The following MITF variants were observed in gnomAD, a reference collection of about 807,000 sequenced individuals.
The protein encoded by MITF is microphthalmia-associated transcription factor.
MITF carries 17 observed loss-of-function variants against 60.5 expected under a neutral mutation model. That is an observed-to-expected ratio of 0.28 (90% CI 0.19 to 0.42). The LOEUF (loss-of-function observed/expected upper bound fraction) is 0.42. MITF is among the 10% of genes least tolerant of loss of function. MITF has a pLI of 1.00. For synonymous variants in MITF, 260 were observed against 248.5 expected, an observed-to-expected ratio of 1.05 and a Z score of -0.43; for missense variants, 622 against 683.5, an observed-to-expected ratio of 0.91 and a Z score of 1.00.
At chr3:69,901,198 A>G (rs1487983542) in intron 2 of MITF, among the ~76,000 whole-genome samples, 1 of 147,466 alleles carries the variant, frequency 6.8e-6, no homozygotes, top group Non-Finnish European at 1.5e-5. Flanking sequence ...GGGATAACGA[A>G]CCAGTGTGAT....
chr3:69,766,213 ATCTTTCTTTTCTTT>A (rs2062289364), intron 1 of MITF, among the ~76,000 whole-genome samples: 1 of 151,498 alleles, frequency 6.6e-6, no homozygotes, highest in Admixed American at 6.6e-5. Context: ...TTGTCATTTT[ATCTTTCTTTTCTTT>A]TCTTTCTTTT....
intron 1 of MITF, among the ~76,000 whole-genome samples, chr3:69,854,784 A>C (rs1354757703): frequency 6.6e-6 from 1 of 152,112 alleles, no homozygotes; most frequent in African/African-American, 2.4e-5. Flanking sequence ...TGCCAGTAGC[A>C]CTTGTTTCTC....
At position 69,751,634 on chromosome 3, in the gene MITF, CTT is replaced by C. The variant is rs557041086; in HGVS notation, c.104+11934_104+11935del. 1.3e-3 allele frequency among the ~76,000 whole-genome samples: 196 copies of C among 146,680 alleles called. 1 individual carries two copies. The highest frequency in any genetic ancestry group is 6.7e-3 in the South Asian group (31 of 4,618). ...TGTTCTTGTTGTAAACTGGTTAAGA[CTT>C]CTAACCAGTCTAATAAGTCTAAATT... On this transcript the variant is annotated intron_variant, in intron 1 of 9. Transcript: ENST00000352241.
At chr3:69,782,290 T>G (rs1189386121) in intron 1 of MITF, among the ~76,000 whole-genome samples, 1 of 152,242 alleles carries the variant, frequency 6.6e-6, no homozygotes, top group African/African-American at 2.4e-5. Context: ...CTCTTAATTT[T>G]TGTTTATCAT....
At chr3:69,951,263 T>C (rs1258695929) in intron 6 of MITF, among the ~76,000 whole-genome samples, 1 of 150,732 alleles carries the variant, frequency 6.6e-6, no homozygotes, top group Non-Finnish European at 1.5e-5. Flanking sequence ...GCTGGACTTA[T>C]TTTTTTTTAT....
chr3:69,901,717 T>C (rs1042200486), intron 2 of MITF, among the ~76,000 whole-genome samples: 2 of 152,230 alleles, frequency 1.3e-5, no homozygotes. Context: ...TGGCGAATTC[T>C]GAAAGCAAGC....
intron 5 of MITF, among the ~76,000 whole-genome samples, chr3:69,946,780 TTGC>T (rs2066107291): frequency 6.6e-6 from 1 of 152,194 alleles, no homozygotes; most frequent in Admixed American, 6.5e-5. Context: ...ATGAGGCATC[TTGC>T]TATAGGGATT....
At chr3:69,956,332 A>T in intron 7 of MITF, 123 bp from the exon 8 acceptor site, 1 of 765,792 alleles carries the variant, frequency 1.3e-6, no homozygotes, top group Non-Finnish European at 2.3e-6. Flanking sequence ...ATAGGGAAAA[A>T]GTAGGTTCAG....
chr3:69,957,217 C>A (rs2066421176), intron 8 of MITF, among the ~76,000 whole-genome samples: 1 of 152,142 alleles, frequency 6.6e-6, no homozygotes, highest in Admixed American at 6.5e-5. Flanking sequence ...GGACAACAAA[C>A]ACACAGTTTT....
chr3:69,942,290 A>G (rs1204239394), intron 5 of MITF, among the ~76,000 whole-genome samples: 1 of 152,080 alleles, frequency 6.6e-6, no homozygotes, highest in African/African-American at 2.4e-5. Flanking sequence ...TGAACCATAC[A>G]CTTAAAATTG....
intron 1 of MITF, among the ~76,000 whole-genome samples, chr3:69,876,419 C>A (rs1172983609): frequency 6.6e-6 from 1 of 151,998 alleles, no homozygotes; most frequent in African/African-American, 2.4e-5. Flanking sequence ...CCCGCGCTTC[C>A]CCCCGCCACC....
Position 69,791,268 on chromosome 3 carries a change from G to A in MITF, c.104+51567G>A, listed in dbSNP as rs181494622. ...GTCCCTGAGGGGGATTGTGAAATCC[G>A]GCCTCCGCAACTGTGATTCAAGTCT... On this transcript the variant is annotated intron_variant, in intron 1 of 9. Coordinates refer to ENST00000352241, the MANE Select transcript of MITF (RefSeq NM_001354604.2). 2.4e-3 allele frequency among the ~76,000 whole-genome samples: 368 copies of A among 152,294 alleles called. 3 individuals are homozygous for A. Among genetic ancestry groups the A allele is most frequent in the South Asian group, 0.021 (101 of 4,818 alleles).
At chr3:69,880,445 A>T (rs760846006) in intron 2 of MITF, among the ~76,000 whole-genome samples, 16 of 152,276 alleles carry the variant, frequency 1.1e-4, no homozygotes, top group Admixed American at 2.0e-4. Context: ...TAGTGATGCA[A>T]TAATGGAACT....
intron 1 of MITF, among the ~76,000 whole-genome samples, chr3:69,836,617 A>G (rs565311216): frequency 6.6e-6 from 1 of 152,216 alleles, no homozygotes; most frequent in Admixed American, 6.5e-5. Context: ...TATAGATATG[A>G]TGAGCAAATA....
chr3:69,882,606 T>C (rs912935322), intron 2 of MITF, among the ~76,000 whole-genome samples: 2 of 152,188 alleles, frequency 1.3e-5, no homozygotes, highest in Admixed American at 6.6e-5. Context: ...AATCAGTTTC[T>C]TCCACAAGTG....
chr3:69,830,077 G>T (rs1338615688), intron 1 of MITF, among the ~76,000 whole-genome samples: 3 of 152,124 alleles, frequency 2.0e-5, no homozygotes, highest in South Asian at 2.1e-4. Flanking sequence ...ATCTAGGATG[G>T]ATCAGGAAGG....
intron 2 of MITF, among the ~76,000 whole-genome samples, chr3:69,881,805 A>C (rs1224257010): frequency 1.3e-5 from 2 of 152,156 alleles, no homozygotes; most frequent in Non-Finnish European, 2.9e-5. Context: ...TGAGTGCATT[A>C]TGATACAGAT....
intron 1 of MITF, among the ~76,000 whole-genome samples, chr3:69,789,645 C>G (rs1315247796): frequency 5.9e-5 from 9 of 152,024 alleles, no homozygotes; most frequent in Admixed American, 5.9e-4. Flanking sequence ...CACTTGAGGC[C>G]AGGAGTTCGA....
chr3:69,951,411 A>G (rs564356546), intron 6 of MITF, among the ~76,000 whole-genome samples: 3 of 152,240 alleles, frequency 2.0e-5, no homozygotes, highest in African/African-American at 7.2e-5. Context: ...CACGTTACAC[A>G]GGCATCAAAA....
Sources: allele counts gnomAD v4.1 joint callset (sites outside exome capture counted in the v4.1 genomes callset), GRCh38; gene constraint gnomAD v4.1.1; transcripts MANE v1.5; gene names NCBI Gene and HGNC (gene_info 2026-07-23, HGNC 2026-07-21).